The following CAMTA1 variants were observed in gnomAD, a reference collection of about 807,000 sequenced individuals.
The protein encoded by CAMTA1 is calmodulin binding transcription activator 1, also known as calmodulin-binding transcription activator 1.
CAMTA1 carries 27 observed loss-of-function variants against 170.9 expected under a neutral mutation model. The observed-to-expected ratio is 0.16, with a 90% confidence interval of 0.12 to 0.22. CAMTA1 has a LOEUF of 0.22. Ranked by LOEUF, CAMTA1 falls within the 10% of genes least tolerant of loss-of-function variation. The probability of loss-of-function intolerance (pLI) is 1.00; values close to 1 mark genes in which losing one functional copy is unlikely to be tolerated. For synonymous variants in CAMTA1, 833 were observed against 891.5 expected (o/e 0.93, Z 1.17); for missense variants, 1,619 against 2,217.2 (o/e 0.73, Z 5.42).
At chr1:7,761,060 C>T (rs532495431) in intron 22 of CAMTA1, among the ~76,000 whole-genome samples, 20 of 152,256 alleles carry the variant, frequency 1.3e-4, no homozygotes, top group African/African-American at 4.1e-4. Flanking sequence ...CTGTTGCTTA[C>T]GACATCACTT....
At chr1:7,542,438 G>T (rs563358884) in intron 6 of CAMTA1, among the ~76,000 whole-genome samples, 55 of 151,356 alleles carry the variant, frequency 3.6e-4, no homozygotes, top group African/African-American at 1.2e-3. Context: ...TGTTTTTTTT[G>T]TTTGTTTGTT....
intron 4 of CAMTA1, among the ~76,000 whole-genome samples, chr1:7,241,736 G>T (rs1664890017): frequency 6.6e-6 from 1 of 152,118 alleles, no homozygotes. Context: ...ATGGTGCTGG[G>T]ACAATTGGAT....
At chr1:7,327,418 A>G (rs1267589871) in intron 5 of CAMTA1, among the ~76,000 whole-genome samples, 2 of 151,680 alleles carry the variant, frequency 1.3e-5, no homozygotes, top group South Asian at 2.1e-4. Flanking sequence ...AAAAAAAAAA[A>G]AAAAAAAGAA....
intron 5 of CAMTA1, among the ~76,000 whole-genome samples, chr1:7,275,883 G>A (rs1670517277): frequency 6.6e-6 from 1 of 152,058 alleles, no homozygotes; most frequent in African/African-American, 2.4e-5. Context: ...TAGAACACTT[G>A]TCAGGTCATT....
intron 5 of CAMTA1, among the ~76,000 whole-genome samples, chr1:7,410,760 C>G (rs1385436912): frequency 6.6e-6 from 1 of 152,164 alleles, no homozygotes; most frequent in African/African-American, 2.4e-5. Flanking sequence ...CTTGCAGGCG[C>G]TTTAATGCCT....
In CAMTA1 at chr1:7,111,558, T is replaced by C. The variant is rs569484210; in HGVS notation, c.302+20187T>C. The stretch of plus-strand genomic sequence containing the variant: ...TGGACACATGACGGCTGATGAACAG[T>C]GGACAGGTTGCTTCACCTCTCGGAG... On this transcript the variant is annotated intron_variant, in intron 4 of 22. Transcript: ENST00000303635. Among the ~76,000 whole-genome samples the C allele has an allele frequency of 7.9e-5, 12 of 152,180 alleles. No homozygotes were observed. In the East Asian group the frequency reaches 2.1e-3, roughly 27 times the overall value.
chr1:7,060,877 G>A (rs928419599), intron 3 of CAMTA1, among the ~76,000 whole-genome samples: 4 of 152,198 alleles, frequency 2.6e-5, no homozygotes, highest in Admixed American at 6.5e-5. Context: ...GATTTATGTC[G>A]GTTTTTCTGA....
In CAMTA1 at chr1:7,007,549, C is replaced by G. The variant is rs757154494; in HGVS notation, c.235-83755C>G. 6.6e-6 allele frequency among the ~76,000 whole-genome samples: 1 copy of G among 152,158 alleles called. No individual in the cohort carries two copies. The highest frequency in any genetic ancestry group is 1.5e-5 in the Non-Finnish European group (1 of 68,028). On this transcript the variant is annotated intron_variant, in intron 3 of 22. Coordinates refer to ENST00000303635, the MANE Select transcript of CAMTA1 (RefSeq NM_015215.4). This position sits in a 1 kb window ranked among gnomAD's most constrained non-coding sequence, Gnocchi z 4.5. ...CCTGGCGTGGTCCTCCTGACCGGGG[C>G]TCAGTTTACCTCCTGCTTCAGCCCT... is the stretch of plus-strand genomic sequence containing the variant.
At position 7,642,761 on chromosome 1, in the gene CAMTA1, C is replaced by A. The variant is rs577997023; in HGVS notation, c.664+2208C>A. ...CACAGCCCCAGACCAATGCCCCACC[C>A]TCTCTGCACCCCAGTACCCCTTCTA... is the stretch of plus-strand genomic sequence containing the variant. On this transcript the variant is annotated intron_variant, in intron 7 of 22. Transcript: ENST00000303635. The surrounding 1 kb of genome is among the most constrained non-coding windows in gnomAD (Gnocchi z 6.3). Among the ~76,000 whole-genome samples the A allele has an allele frequency of 4.9e-4, 75 of 152,298 alleles. No homozygotes were observed. Among genetic ancestry groups the A allele is most frequent in the African/African-American group, 1.7e-3 (72 of 41,558 alleles).
intron 6 of CAMTA1, among the ~76,000 whole-genome samples, chr1:7,474,841 G>T (rs552293187): frequency 6.6e-6 from 1 of 152,354 alleles, no homozygotes; most frequent in South Asian, 2.1e-4. Context: ...CAACCCAAGT[G>T]TCTCCCCAGA....
At position 7,327,991 on chromosome 1, in the gene CAMTA1, G is replaced by T. The variant is rs540652339; in HGVS notation, c.438+78365G>T. 1.8e-4 allele frequency among the ~76,000 whole-genome samples: 28 copies of T among 151,970 alleles called. No homozygotes were observed. In the South Asian group the frequency reaches 5.6e-3, roughly 30 times the overall value. On this transcript the variant is annotated intron_variant, in intron 5 of 22. Coordinates refer to ENST00000303635, the MANE Select transcript of CAMTA1 (RefSeq NM_015215.4). ...CCCAGCACTTGAAAATATTAGTCCA[G>T]TGTCTCTTGAGACTTATTGTTACAA...
Position 7,709,185 on chromosome 1 carries a change from G to A in CAMTA1, c.2915-23263G>A, listed in dbSNP as rs192123884. Among the ~76,000 whole-genome samples the A allele has an allele frequency of 1.8e-4, 27 of 152,206 alleles. No homozygotes were observed. In the East Asian group the frequency reaches 5.0e-3, roughly 28 times the overall value. Reference sequence around the variant, plus strand: ...ATGAAGCTTTTTTTCTCCCCTCCCAGATTAGATTAACAGCTGTTTATGGGG... The same window carrying A: ...ATGAAGCTTTTTTTCTCCCCTCCCAAATTAGATTAACAGCTGTTTATGGGG... On this transcript the variant is annotated intron_variant, in intron 11 of 22. Transcript: ENST00000303635.
chr1:7,027,317 A>G (rs1010121585), intron 3 of CAMTA1, among the ~76,000 whole-genome samples: 3 of 152,230 alleles, frequency 2.0e-5, no homozygotes, highest in African/African-American at 7.2e-5. Flanking sequence ...GAGGATCAAT[A>G]GCAATGCTTG....
Position 7,257,291 on chromosome 1 carries a change from A to G in CAMTA1, c.438+7665A>G, listed in dbSNP as rs115006504. Among the ~76,000 whole-genome samples, 526 of 152,298 alleles carry G rather than the reference A, an allele frequency of 3.5e-3. 3 individuals are homozygous for G. Among genetic ancestry groups the G allele is most frequent in the African/African-American group, 0.012 (490 of 41,560 alleles). ...TTGGTAACATCCCTATCAGGTAGAT[A>G]CTATTGTCATCCTCATTTCATCCAC... On this transcript the variant is annotated intron_variant, in intron 5 of 22. Transcript: ENST00000303635.
intron 6 of CAMTA1, among the ~76,000 whole-genome samples, chr1:7,575,471 C>T (rs774527081): frequency 5.9e-5 from 9 of 152,196 alleles, no homozygotes; most frequent in Non-Finnish European, 1.2e-4. Context: ...GAACATGGAA[C>T]CAGAGTTTGC....
Position 6,785,518 on chromosome 1 carries a change from G to A in CAMTA1, c.-13G>A, listed in dbSNP as rs1482796672. The A allele has an allele frequency of 1.0e-6, 1 of 1,004,542 alleles. No homozygotes were observed. The highest frequency in any genetic ancestry group is 3.6e-5 in the South Asian group (1 of 27,454). The allele number at this position is 1,004,542 out of a possible 1,614,324, so 62.2% of individuals were successfully genotyped here. ...GGCGCGCGCTCGGGGTCCCGGTCGC[G>A]AGGAGGAGGAGGATGTGGCGCGCGG... On this transcript the variant is annotated 5_prime_UTR_variant, in exon 1 of 23. Transcript: ENST00000303635.
intron 5 of CAMTA1, among the ~76,000 whole-genome samples, chr1:7,283,620 C>A (rs1367750598): frequency 1.3e-5 from 2 of 152,234 alleles, no homozygotes; most frequent in Non-Finnish European, 1.5e-5. Context: ...CAAATATCTT[C>A]ATTTCATGAA....
intron 3 of CAMTA1, among the ~76,000 whole-genome samples, chr1:6,954,833 G>A (rs974140349): frequency 1.6e-4 from 24 of 152,028 alleles, no homozygotes; most frequent in Non-Finnish European, 7.4e-5. Flanking sequence ...CTCCTTGGAC[G>A]CCGCCTTCCC....
chr1:7,664,333 A>G lies in CAMTA1; in HGVS notation c.1786A>G (p.Thr596Ala), dbSNP rs374623349. The G allele has an allele frequency of 6.2e-7, 1 of 1,613,304 alleles. No individual in the cohort carries two copies. The highest frequency in any genetic ancestry group is 8.5e-7 in the Non-Finnish European group (1 of 1,180,006). Reference sequence around the variant, plus strand: ...CGCCATCGACTCCAACAAGGACTACACGTCCAGCTTCAGCCAGACGGGCCA... The same window carrying G: ...CGCCATCGACTCCAACAAGGACTACGCGTCCAGCTTCAGCCAGACGGGCCA... ...FSAIDSNKDY[T>A]SSFSQTGHSP... The change falls in exon 9 of 23, where the codon ACG (threonine) becomes GCG (alanine). Residue 596 changes from threonine to alanine, a missense_variant. Physicochemically the swap from Thr to Ala is moderately conservative, Grantham distance 58. This residue lies in a region of CAMTA1 where 731 missense variants were observed against 907.6 expected (regional missense o/e 0.81). Coordinates refer to ENST00000303635, the MANE Select transcript of CAMTA1 (RefSeq NM_015215.4).
Sources: gnomAD v4.1 joint callset for allele counts (sites outside exome capture counted in the v4.1 genomes callset) on GRCh38, gnomAD v4.1.1 for gene constraint, gnomAD v4.1.1 regional missense constraint, Gnocchi (gnomAD v3.1) non-coding constraint, MANE v1.5 for transcripts, NCBI Gene and HGNC (gene_info 2026-07-23, HGNC 2026-07-21) for gene names.